The following BAZ1B variants were observed in gnomAD, a reference collection of about 807,000 sequenced individuals.
BAZ1B encodes bromodomain adjacent to zinc finger domain 1B.
Under a neutral mutation model 153.8 loss-of-function variants are expected in BAZ1B, and 22 were observed. The ratio of observed to expected loss-of-function variants is 0.14; its 90% confidence interval spans 0.10 to 0.20. The LOEUF is 0.20. Among genes scored for constraint, BAZ1B ranks in the 10% least tolerant of loss-of-function variants. BAZ1B has a pLI of 1.00. For synonymous variants in BAZ1B, 676 were observed against 633.4 expected, an observed-to-expected ratio of 1.07 and a Z score of -1.01; for missense variants, 1,325 against 1,799.3, an observed-to-expected ratio of 0.74 and a Z score of 4.77.
chr7:73,443,851 C>T, intron 17 of BAZ1B, 133 bp downstream of exon 17: 7 of 1,390,282 alleles, frequency 5.0e-6, no homozygotes, highest in East Asian at 2.3e-5. Context: ...ATCTGCCTCC[C>T]CAGCCTCCCA....
intron 15 of BAZ1B, among the ~76,000 whole-genome samples, 154 bp from the exon 16 acceptor site, chr7:73,447,533 G>C (rs535801209): frequency 6.6e-6 from 1 of 152,236 alleles, no homozygotes; most frequent in South Asian, 2.1e-4. Context: ...TGTAAGCCAG[G>C]AGAGTTTTTC....
chr7:73,479,224 T>C (rs1789106778), intron 6 of BAZ1B, among the ~76,000 whole-genome samples: 1 of 151,982 alleles, frequency 6.6e-6, no homozygotes, highest in South Asian at 2.1e-4. Flanking sequence ...AAGAACTCAT[T>C]CTGGCCAGGC....
chr7:73,484,636 G>A lies in BAZ1B; in HGVS notation c.891+4558C>T, dbSNP rs75395349. ...TCCAGCCTGGGCAGAGCAAGAGCCTGTCTCAAAAAATAAAAAAATAAATAA... is the reference window on the plus strand; with the variant it reads ...TCCAGCCTGGGCAGAGCAAGAGCCTATCTCAAAAAATAAAAAAATAAATAA... On this transcript the variant is annotated intron_variant, in intron 6 of 19. Coordinates refer to ENST00000339594, the MANE Select transcript of BAZ1B (RefSeq NM_032408.4). Among the ~76,000 whole-genome samples, 30 of 152,192 alleles carry A rather than the reference G, an allele frequency of 2.0e-4. No individual in the cohort carries two copies. The East Asian group carries it at 5.2e-3, about 26-fold the overall frequency.
At chr7:73,491,298 AAAAC>A (rs1789631264) in intron 5 of BAZ1B, among the ~76,000 whole-genome samples, 1 of 151,976 alleles carries the variant, frequency 6.6e-6, no homozygotes, top group Non-Finnish European at 1.5e-5. Flanking sequence ...AAAAGACAAA[AAAAC>A]AAAACAACAA....
chr7:73,482,796 TTTTG>T (rs1328597296), intron 6 of BAZ1B, among the ~76,000 whole-genome samples: 2 of 152,132 alleles, frequency 1.3e-5, no homozygotes, highest in Non-Finnish European at 2.9e-5. Context: ...CACACCATGT[TTTTG>T]TTTGTTTTTT....
chr7:73,442,798 G>C lies in BAZ1B; in HGVS notation c.4021C>G (p.Gln1341Glu). ...TCACACTTCTGCAGCTCCAGGCTTT[G>C]CCTCCGGGAGCTCCGCTTGGTCTGA... ...VLQTKRSSRRQSLELQKCEEI... is the reference protein window; with the variant it reads ...VLQTKRSSRRESLELQKCEEI... Residue 1341 changes from glutamine (Q) to glutamate (E), a missense_variant, in exon 18 of 20, where the codon CAA becomes GAA. Gln to Glu is a conservative substitution (Grantham distance 29). Transcript: ENST00000339594. The C allele has an allele frequency of 6.2e-7, 1 of 1,614,080 alleles. No individual in the cohort carries two copies. The highest frequency in any genetic ancestry group is 1.1e-5 in the South Asian group (1 of 91,086).
At chr7:73,481,780 G>C (rs550042906) in intron 6 of BAZ1B, among the ~76,000 whole-genome samples, 1 of 152,296 alleles carries the variant, frequency 6.6e-6, no homozygotes, top group South Asian at 2.1e-4. Flanking sequence ...GCTCACGCCT[G>C]TAATCCCAGC....
chr7:73,481,591 C>G (rs1789203400), intron 6 of BAZ1B, among the ~76,000 whole-genome samples: 1 of 151,548 alleles, frequency 6.6e-6, no homozygotes, highest in Admixed American at 6.6e-5. Context: ...TGGCTACACG[C>G]AGAGGAAAAA....
chr7:73,492,330 T>C (rs1554575690), intron 5 of BAZ1B, among the ~76,000 whole-genome samples: 1 of 151,918 alleles, frequency 6.6e-6, no homozygotes, highest in African/African-American at 2.4e-5. Context: ...GCCCGGCTAA[T>C]TTTTTGTATT....
intron 17 of BAZ1B, among the ~76,000 whole-genome samples, chr7:73,443,372 G>A (rs1278944284): frequency 6.9e-6 from 1 of 144,122 alleles, no homozygotes; most frequent in African/African-American, 2.7e-5. Flanking sequence ...CTCCATTCCA[G>A]GTAGCCATAA....
At chr7:73,482,553 TA>T (rs1789242421) in intron 6 of BAZ1B, among the ~76,000 whole-genome samples, 1 of 152,216 alleles carries the variant, frequency 6.6e-6, no homozygotes, top group African/African-American at 2.4e-5. Context: ...TTTAGCATTT[TA>T]AATAGGTATG....
At chr7:73,510,067 C>T (rs1198234681) in intron 2 of BAZ1B, among the ~76,000 whole-genome samples, 2 of 151,856 alleles carry the variant, frequency 1.3e-5, no homozygotes, top group African/African-American at 4.8e-5. Context: ...ATAGAGGTTA[C>T]AGTGGGCCGA....
chr7:73,464,870 C>T (rs1435565465), intron 11 of BAZ1B, among the ~76,000 whole-genome samples: 3 of 151,888 alleles, frequency 2.0e-5, no homozygotes, highest in African/African-American at 7.3e-5. Flanking sequence ...AGACTACATA[C>T]ACAAACCACC....
intron 7 of BAZ1B, among the ~76,000 whole-genome samples, chr7:73,472,253 CT>C (rs1205328154): frequency 0.069 from 10,129 of 146,488 alleles, 349 homozygotes; most frequent in Non-Finnish European, 0.093. Context: ...CACAGTTATA[CT>C]TTTTTTTTTT....
chr7:73,443,071 G>A (rs1333360156), intron 17 of BAZ1B, among the ~76,000 whole-genome samples: 2 of 152,212 alleles, frequency 1.3e-5, no homozygotes, highest in Non-Finnish European at 2.9e-5. Context: ...GCAAAGAGCA[G>A]GCAGCGGGGG....
At chr7:73,502,630 A>G (rs1790179125) in intron 3 of BAZ1B, among the ~76,000 whole-genome samples, 1 of 151,694 alleles carries the variant, frequency 6.6e-6, no homozygotes, top group Non-Finnish European at 1.5e-5. Context: ...AAAAAAAAAA[A>G]TACAATTAGC....
intron 6 of BAZ1B, among the ~76,000 whole-genome samples, chr7:73,481,023 C>T (rs538069070): frequency 2.6e-5 from 4 of 152,184 alleles, no homozygotes; most frequent in African/African-American, 9.6e-5. Context: ...ACCTCCCAGG[C>T]TCAAGCGACT....
rs142355745 is a variant in BAZ1B at position 73,484,292 on chromosome 7, A to AAGATAGATAGAT, written c.891+4890_891+4901dup. ...GAAGGAAGGGAGGGACGGAGGGAGG[A>AAGATAGATAGAT]AGATAGATAGATAGATAGATAGACA... On this transcript the variant is annotated intron_variant, in intron 6 of 19. Transcript: ENST00000339594. Among the ~76,000 whole-genome samples the AAGATAGATAGAT allele has an allele frequency of 3.9e-3, 592 of 150,824 alleles. 3 individuals are homozygous for AAGATAGATAGAT. The highest frequency in any genetic ancestry group is 0.014 in the South Asian group (66 of 4,778).
chr7:73,498,697 A>G lies in BAZ1B; in HGVS notation c.371T>C (p.Val124Ala). 1 of 1,613,502 alleles carries G rather than the reference A, an allele frequency of 6.2e-7. No homozygotes were observed. Among genetic ancestry groups the G allele is most frequent in the Non-Finnish European group, 8.5e-7 (1 of 1,179,706 alleles). Residue 124 changes from valine (V) to alanine (A), a missense_variant and splice_region_variant, in exon 4 of 20, where the codon GTT (valine) becomes GCT (alanine). Around this residue, in one of 9 missense-constraint regions of BAZ1B, gnomAD observed 153 missense variants for 204.8 expected, o/e 0.75. Coordinates refer to ENST00000339594, the MANE Select transcript of BAZ1B (RefSeq NM_032408.4). ...CACCTTGAGCATTTTCTCCTTCCCA[A>G]CCTATAAAGGAGGTAGTAGAGAAAA... ...YAVGEECDFE[V>A]GKEKMLKVKI...
Sources: gnomAD v4.1 joint callset for allele counts (sites outside exome capture counted in the v4.1 genomes callset) on GRCh38, gnomAD v4.1.1 for gene constraint, gnomAD v4.1.1 regional missense constraint, MANE v1.5 for transcripts, NCBI Gene and HGNC (gene_info 2026-07-23, HGNC 2026-07-21) for gene names.